Variants in CHST9 observed in about 807,000 individuals in gnomAD.
The protein encoded by CHST9 is carbohydrate sulfotransferase 9.
CHST9 carries 41 observed loss-of-function variants against 44.4 expected under a neutral mutation model. The ratio of observed to expected loss-of-function variants is 0.92; its 90% CI spans 0.72 to 1.20. The LOEUF (loss-of-function observed/expected upper bound fraction) is 1.20. CHST9 is among the 50% of genes most tolerant of loss of function. The pLI is 0.00. For synonymous variants in CHST9, 171 were observed against 178.4 expected (o/e 0.96, Z 0.33); for missense variants, 504 against 516.5 (o/e 0.98, Z 0.23).
At chr18:27,025,912 G>A (rs926617444) in intron 3 of CHST9, among the ~76,000 whole-genome samples, 1 of 152,138 alleles carries the variant, frequency 6.6e-6, no homozygotes, top group Admixed American at 6.5e-5. Context: ...TATGCAGGCT[G>A]TCACTGAATC....
intron 3 of CHST9, among the ~76,000 whole-genome samples, chr18:27,040,059 G>A (rs941708626): frequency 6.6e-6 from 1 of 152,096 alleles, no homozygotes; most frequent in African/African-American, 2.4e-5. Flanking sequence ...GACAAGTACA[G>A]ATTGTTTCTA....
intron 5 of CHST9, among the ~76,000 whole-genome samples, chr18:26,941,031 T>C (rs1196949440): frequency 1.3e-5 from 2 of 152,300 alleles, no homozygotes; most frequent in African/African-American, 4.8e-5. Flanking sequence ...TCCCTACAGG[T>C]TTCAGAGAGA....
intron 4 of CHST9, among the ~76,000 whole-genome samples, chr18:27,012,263 A>G (rs2057094101): frequency 6.6e-6 from 1 of 152,214 alleles, no homozygotes; most frequent in Admixed American, 6.5e-5. Context: ...TTAACTACTG[A>G]TAGCCTATCG....
At chr18:27,040,354 A>T (rs2057431903) in intron 3 of CHST9, among the ~76,000 whole-genome samples, 1 of 152,198 alleles carries the variant, frequency 6.6e-6, no homozygotes, top group Non-Finnish European at 1.5e-5. Context: ...TAAATATGCT[A>T]GCTACACTCA....
intron 2 of CHST9, among the ~76,000 whole-genome samples, chr18:27,075,870 G>T (rs1247339745): frequency 6.6e-6 from 1 of 152,130 alleles, no homozygotes; most frequent in Non-Finnish European, 1.5e-5. Context: ...TGAATGCCAG[G>T]ATCCATGGAG....
intron 2 of CHST9, among the ~76,000 whole-genome samples, chr18:27,069,429 C>T (rs1315707375): frequency 6.6e-6 from 1 of 151,920 alleles, no homozygotes; most frequent in Non-Finnish European, 1.5e-5. Flanking sequence ...TTTTGTAAGT[C>T]CTCAACATGA....
Position 26,912,590 on chromosome 18 carries a change from C to T in CHST9, c.*3669G>A, listed in dbSNP as rs187024542. The stretch of plus-strand genomic sequence containing the variant: ...TCATCCTGGCTTCTGACCTACTTAT[C>T]ATCTCTGTCTCCTTAGGCAAGTTAC... On this transcript the variant is annotated 3_prime_UTR_variant, in exon 6 of 6. Coordinates refer to ENST00000618847, the MANE Select transcript of CHST9 (RefSeq NM_031422.6). 2.6e-5 allele frequency: 4 copies of T among 152,340 alleles called. No homozygotes were observed. The East Asian group carries it at 7.7e-4, about 29-fold the overall frequency. 9.4% of individuals were successfully genotyped at this position (152,340 alleles called of 1,614,324 possible).
chr18:26,920,175 A>G (rs758293339), intron 5 of CHST9, among the ~76,000 whole-genome samples: 1 of 152,276 alleles, frequency 6.6e-6, no homozygotes, highest in South Asian at 2.1e-4. Context: ...TCCACTTCAC[A>G]TCAAACTTGG....
At chr18:27,071,049 G>A (rs1236009942) in intron 2 of CHST9, among the ~76,000 whole-genome samples, 1 of 152,112 alleles carries the variant, frequency 6.6e-6, no homozygotes, top group Non-Finnish European at 1.5e-5. Context: ...GCCAGCCTCT[G>A]CCAACTGGCG....
intron 4 of CHST9, among the ~76,000 whole-genome samples, chr18:26,974,905 C>A (rs535867288): frequency 6.6e-6 from 1 of 152,250 alleles, no homozygotes; most frequent in South Asian, 2.1e-4. Context: ...TGAACTCTGA[C>A]CTCAAATGAT....
At chr18:27,183,707 T>C (rs1287100486) in intron 1 of CHST9, among the ~76,000 whole-genome samples, 1 of 152,210 alleles carries the variant, frequency 6.6e-6, no homozygotes, top group East Asian at 1.9e-4. Flanking sequence ...TTTGATCGTA[T>C]GGTGTAGAAT....
chr18:27,038,919 C>T (rs1011056972), intron 3 of CHST9, among the ~76,000 whole-genome samples: 2 of 151,958 alleles, frequency 1.3e-5, no homozygotes, highest in Non-Finnish European at 2.9e-5. Context: ...ATTAATTTCC[C>T]CTATTGCATT....
At chr18:27,131,833 T>G (rs2058474484) in intron 2 of CHST9, among the ~76,000 whole-genome samples, 1 of 152,210 alleles carries the variant, frequency 6.6e-6, no homozygotes, top group Non-Finnish European at 1.5e-5. Flanking sequence ...TTTAAAACAT[T>G]CCTTTCTGCG....
intron 4 of CHST9, among the ~76,000 whole-genome samples, chr18:27,000,093 AT>A (rs1313128530): frequency 6.6e-6 from 1 of 152,098 alleles, no homozygotes; most frequent in Non-Finnish European, 1.5e-5. Flanking sequence ...GTCTTTTTTC[AT>A]TTTGGGGAAC....
chr18:26,936,880 C>A (rs2056002404), intron 5 of CHST9, among the ~76,000 whole-genome samples: 1 of 152,048 alleles, frequency 6.6e-6, no homozygotes, highest in Non-Finnish European at 1.5e-5. Flanking sequence ...GGTAAATTAA[C>A]TATTTTTATT....
chr18:26,932,510 C>A (rs2055896321), intron 5 of CHST9, among the ~76,000 whole-genome samples: 1 of 152,022 alleles, frequency 6.6e-6, no homozygotes, highest in African/African-American at 2.4e-5. Context: ...GGAGAACAAG[C>A]CAGCACTTGT....
chr18:27,108,388 G>T (rs1190896328), intron 2 of CHST9, among the ~76,000 whole-genome samples: 2 of 152,126 alleles, frequency 1.3e-5, no homozygotes, highest in Non-Finnish European at 2.9e-5. Flanking sequence ...ATAAGCAAAT[G>T]AGATTTTTCT....
intron 4 of CHST9, among the ~76,000 whole-genome samples, chr18:27,016,452 A>G (rs1369236300): frequency 6.6e-6 from 1 of 152,202 alleles, no homozygotes; most frequent in African/African-American, 2.4e-5. Context: ...CTGCACAGGC[A>G]GGCCCCTGTT....
chr18:27,003,579 T>G (rs1207296358), intron 4 of CHST9, among the ~76,000 whole-genome samples: 3 of 152,138 alleles, frequency 2.0e-5, no homozygotes, highest in African/African-American at 4.8e-5. Context: ...GTAGGGCAAT[T>G]GAAGGTCTTC....
Sources: gnomAD v4.1 joint callset for allele counts (sites outside exome capture counted in the v4.1 genomes callset) on GRCh38, gnomAD v4.1.1 for gene constraint, MANE v1.5 for transcripts, NCBI Gene and HGNC (gene_info 2026-07-23, HGNC 2026-07-21) for gene names.